AOAH: variants seen among roughly 807,000 people sequenced by gnomAD.
AOAH encodes the protein acyloxyacyl hydrolase (neutrophil).
In AOAH, 64 loss-of-function variants were observed where a neutral mutation model predicts 92.2. That is an observed-to-expected ratio of 0.69 (90% CI 0.57 to 0.86). The LOEUF is 0.86. Among genes scored for constraint, AOAH ranks in the 40% least tolerant of loss-of-function variants. The pLI is 0.00. For synonymous variants in AOAH, 263 were observed against 254.5 expected, an observed-to-expected ratio of 1.03 and a Z score of -0.32; for missense variants, 656 against 694.6, an observed-to-expected ratio of 0.94 and a Z score of 0.62.
At chr7:36,644,328 G>A (rs1470332903) in intron 4 of AOAH, among the ~76,000 whole-genome samples, 4 of 151,948 alleles carry the variant, frequency 2.6e-5, no homozygotes, top group African/African-American at 7.3e-5. Flanking sequence ...GTTAAACGGT[G>A]TGCTTTTTTT....
intron 16 of AOAH, among the ~76,000 whole-genome samples, chr7:36,532,700 G>T (rs1407497193): frequency 6.6e-6 from 1 of 152,216 alleles, no homozygotes; most frequent in African/African-American, 2.4e-5. Flanking sequence ...TTTAAGAGCA[G>T]TACTTTCTCC....
At chr7:36,712,792 G>A (rs949373851) in intron 1 of AOAH, among the ~76,000 whole-genome samples, 31 of 152,204 alleles carry the variant, frequency 2.0e-4, no homozygotes, top group Admixed American at 2.0e-4. Flanking sequence ...GACAGATTTC[G>A]TCACCACCAG....
chr7:36,517,597 C>CTTTTTTTTTTTTTTTTTT (rs70977159), intron 20 of AOAH, among the ~76,000 whole-genome samples: 1 of 89,578 alleles, frequency 1.1e-5, no homozygotes, highest in Non-Finnish European at 2.0e-5. Context: ...GACTTTATAT[C>CTTTTTTTTTTTTTTTTTT]TTTTTTTTTT....
chr7:36,617,964 A>ACTT (rs1277841746), intron 10 of AOAH, among the ~76,000 whole-genome samples: 2 of 152,218 alleles, frequency 1.3e-5, no homozygotes, highest in African/African-American at 4.8e-5. Context: ...AAGATTAAAA[A>ACTT]CTTCAGTTAT....
intron 20 of AOAH, among the ~76,000 whole-genome samples, chr7:36,517,214 C>CTTTTCTTTCTCTT (rs59205788): frequency 9.5e-6 from 1 of 104,830 alleles, no homozygotes; most frequent in Admixed American, 1.0e-4. Flanking sequence ...TTCTTTCTTT[C>CTTTTCTTTCTCTT]TCTTTCTTTC....
intron 11 of AOAH, among the ~76,000 whole-genome samples, chr7:36,601,373 G>C (rs1003915225): frequency 2.0e-5 from 3 of 149,610 alleles, no homozygotes; most frequent in Admixed American, 6.7e-5. Context: ...GAGGGAGAGG[G>C]GGGAAGGGGA....
intron 7 of AOAH, among the ~76,000 whole-genome samples, chr7:36,622,199 G>A (rs1249829910): frequency 6.6e-6 from 1 of 152,136 alleles, no homozygotes; most frequent in South Asian, 2.1e-4. Flanking sequence ...GTGTGAATAT[G>A]TGTTTGCTCA....
chr7:36,627,557 A>AAAAC (rs1792763291), intron 6 of AOAH, among the ~76,000 whole-genome samples: 1 of 144,584 alleles, frequency 6.9e-6, no homozygotes, highest in African/African-American at 2.5e-5. Flanking sequence ...AAAAAAAAAC[A>AAAAC]AAACAAAACA....
chr7:36,618,345 C>T lies in AOAH; in HGVS notation c.703G>A (p.Gly235Ser), dbSNP rs1317791920. The T allele has an allele frequency of 1.9e-6, 3 of 1,613,842 alleles. No individual in the cohort carries two copies. The highest frequency in any genetic ancestry group is 1.1e-5 in the South Asian group (1 of 91,060). Residue 235 changes from glycine (G) to serine (S), a missense_variant and splice_region_variant, in exon 10 of 21, where the codon GGT becomes AGT. By Grantham distance (56) the Gly-to-Ser change is moderately conservative. Coordinates refer to ENST00000617537, the MANE Select transcript of AOAH (RefSeq NM_001637.4). ...GGAACTCCATCTTTTGGATCGACAC[C>T]CTTTAAAAAAGAAACGATGTGATTA... ...HQDSNCNGIW[G>S]VDPKDGVPYE...
At chr7:36,689,728 G>T (rs973981044) in intron 1 of AOAH, among the ~76,000 whole-genome samples, 3 of 152,174 alleles carry the variant, frequency 2.0e-5, no homozygotes, top group Non-Finnish European at 2.9e-5. Flanking sequence ...TCGGTGGCCT[G>T]AAACAGCCTG....
In AOAH at chr7:36,631,994, A is replaced by C. The variant is rs778204547; in HGVS notation, c.521+42T>G. The C allele has an allele frequency of 2.0e-6, 3 of 1,483,534 alleles. No homozygotes were observed. The South Asian group carries it at 3.6e-5, about 18-fold the overall frequency. The allele number at this position is 1,483,534 out of a possible 1,614,324, so 91.9% of individuals were successfully genotyped here. A position where few individuals can be genotyped will look rare whatever the true frequency, so the allele number is the denominator to read the frequency against. ...GAAAAGGGGGACAAGCAAAGACGTT[A>C]TTACATGCTAGTGCTCAGGAAGGTA... On this transcript the variant is annotated intron_variant, in intron 6 of 20. Coordinates refer to ENST00000617537, the MANE Select transcript of AOAH (RefSeq NM_001637.4).
intron 16 of AOAH, among the ~76,000 whole-genome samples, chr7:36,536,949 CAAAAAAAA>C (rs11441171): frequency 8.4e-5 from 4 of 47,460 alleles, no homozygotes; most frequent in Admixed American, 3.7e-4. Flanking sequence ...GACTTCATCT[CAAAAAAAA>C]AAAAAAAAAA....
chr7:36,687,791 G>A (rs773185448), intron 1 of AOAH, among the ~76,000 whole-genome samples: 4 of 152,148 alleles, frequency 2.6e-5, no homozygotes, highest in East Asian at 3.8e-4. Flanking sequence ...ATTTACATAC[G>A]TGGTGTCATT....
intron 3 of AOAH, among the ~76,000 whole-genome samples, chr7:36,671,690 G>A (rs892299226): frequency 2.6e-5 from 4 of 151,610 alleles, no homozygotes; most frequent in Admixed American, 2.6e-4. Flanking sequence ...TGTGTGTATA[G>A]GAGTGGGTTC....
chr7:36,561,350 T>A (rs1438663864), intron 13 of AOAH, among the ~76,000 whole-genome samples: 1 of 152,162 alleles, frequency 6.6e-6, no homozygotes, highest in Admixed American at 6.5e-5. Flanking sequence ...ATGACAATTT[T>A]AAGAGATTAG....
intron 11 of AOAH, among the ~76,000 whole-genome samples, chr7:36,604,639 C>T (rs558869695): frequency 4.6e-5 from 7 of 152,182 alleles, no homozygotes; most frequent in Non-Finnish European, 1.0e-4. Context: ...TTTTTCTTCC[C>T]TCCAGGTGAC....
Position 36,520,428 on chromosome 7 carries a change from G to A in AOAH, c.1599+1611C>T, listed in dbSNP as rs533413260. ...AATAACTGCTAGAAAGAAGGGGGCCGGGCGCAGTGGCTCACGCCTGTAATC... is the reference window on the plus strand; with the variant it reads ...AATAACTGCTAGAAAGAAGGGGGCCAGGCGCAGTGGCTCACGCCTGTAATC... On this transcript the variant is annotated intron_variant, in intron 20 of 20. Coordinates refer to ENST00000617537, the MANE Select transcript of AOAH (RefSeq NM_001637.4). Among the ~76,000 whole-genome samples the A allele has an allele frequency of 3.9e-5, 6 of 152,242 alleles. No homozygotes were observed. In the South Asian group the frequency reaches 8.3e-4, roughly 21 times the overall value.
chr7:36,541,151 C>A (rs1425383897), intron 15 of AOAH, among the ~76,000 whole-genome samples: 1 of 152,216 alleles, frequency 6.6e-6, no homozygotes, highest in East Asian at 1.9e-4. Context: ...CCTTCCATTT[C>A]TACACTGGAT....
At chr7:36,625,723 A>C (rs1792616272) in intron 6 of AOAH, among the ~76,000 whole-genome samples, 1 of 151,830 alleles carries the variant, frequency 6.6e-6, no homozygotes, top group African/African-American at 2.4e-5. Context: ...GCCAAATTCC[A>C]CCCCCATGAT....
Sources: allele counts gnomAD v4.1 joint callset (sites outside exome capture counted in the v4.1 genomes callset), GRCh38; gene constraint gnomAD v4.1.1; transcripts MANE v1.5; gene names NCBI Gene and HGNC (gene_info 2026-07-23, HGNC 2026-07-21).